The following ALPK2 variants were observed in gnomAD, a reference collection of about 807,000 sequenced individuals.
ALPK2 encodes alpha kinase 2, also known as alpha-protein kinase 2.
In ALPK2, 127 loss-of-function variants were observed where a neutral mutation model predicts 163.1. The ratio of observed to expected loss-of-function variants is 0.78; its 90% CI spans 0.67 to 0.90. The LOEUF is 0.90. Ranked by LOEUF, ALPK2 falls within the 40% of genes least tolerant of loss-of-function variation. The pLI is 0.00. For synonymous variants in ALPK2, 953 were observed against 959.1 expected (o/e 0.99, Z 0.12); for missense variants, 2,360 against 2,589.6 (o/e 0.91, Z 1.92).
At chr18:58,500,156 C>A (rs753529333) in intron 11 of ALPK2, among the ~76,000 whole-genome samples, 2 of 151,274 alleles carry the variant, frequency 1.3e-5, no homozygotes, top group African/African-American at 4.9e-5. Flanking sequence ...GTAACTAATT[C>A]ATCTCATTCT....
Position 58,535,342 on chromosome 18 carries a change from T to G in ALPK2, c.4845A>C (p.Glu1615Asp). 1 of 1,614,198 alleles carries G rather than the reference T, an allele frequency of 6.2e-7. No homozygotes were observed. The highest frequency in any genetic ancestry group is 8.5e-7 in the Non-Finnish European group (1 of 1,180,030). ...LTRFPCTSSPEGNVTDFLISH... is the reference protein window; with the variant it reads ...LTRFPCTSSPDGNVTDFLISH... ...TTATCAAAAAGTCTGTGACATTTCCTTCAGGAGATGAAGTACAAGGGAACC... is the reference window on the plus strand; with the variant it reads ...TTATCAAAAAGTCTGTGACATTTCCGTCAGGAGATGAAGTACAAGGGAACC... The change falls in exon 5 of 13, where the codon GAA becomes GAC. Residue 1615 changes from glutamate (E) to aspartate (D), a missense_variant. By Grantham distance (45) the Glu-to-Asp change is conservative. Transcript: ENST00000361673.
At chr18:58,618,471 C>T (rs1001718859) in intron 1 of ALPK2, among the ~76,000 whole-genome samples, 1 of 152,208 alleles carries the variant, frequency 6.6e-6, no homozygotes, top group Non-Finnish European at 1.5e-5. Flanking sequence ...AGCTGTGCCA[C>T]TCAGTAGCTG....
chr18:58,491,805 G>T (rs895607944), intron 12 of ALPK2, among the ~76,000 whole-genome samples: 18 of 152,266 alleles, frequency 1.2e-4, no homozygotes, highest in Non-Finnish European at 2.2e-4. Context: ...AGGAGAACTT[G>T]TGGGGCGGTT....
At chr18:58,533,525 T>C (rs2144143073) in intron 5 of ALPK2, among the ~76,000 whole-genome samples, 1 of 151,734 alleles carries the variant, frequency 6.6e-6, no homozygotes, top group Non-Finnish European at 1.5e-5. Context: ...GGTGGTGTGA[T>C]CACAGCTCAC....
rs1004719209 is a variant in ALPK2 at position 58,498,038 on chromosome 18, T to C, written c.6296+11A>G. Reference sequence around the variant, plus strand: ...TGTTAATTGATGCACACTCCATTTTTTCCTACTCACCCTTTAGCCAGCGTT... The same window carrying C: ...TGTTAATTGATGCACACTCCATTTTCTCCTACTCACCCTTTAGCCAGCGTT... On this transcript the variant is annotated intron_variant, in intron 12 of 12. Coordinates refer to ENST00000361673, the MANE Select transcript of ALPK2 (RefSeq NM_052947.4). 3.1e-6 allele frequency: 5 copies of C among 1,613,934 alleles called. No homozygotes were observed. The highest frequency in any genetic ancestry group is 4.2e-6 in the Non-Finnish European group (5 of 1,179,826).
intron 1 of ALPK2, among the ~76,000 whole-genome samples, chr18:58,612,474 A>T (rs2052138192): frequency 6.6e-6 from 1 of 152,188 alleles, no homozygotes; most frequent in South Asian, 2.1e-4. Flanking sequence ...TATTTCACTT[A>T]ATCTCTTTGA....
chr18:58,537,409 A>G lies in ALPK2; in HGVS notation c.2778T>C (p.His926=), dbSNP rs751931316. Residue 926 remains histidine (H), a synonymous_variant, in exon 5 of 13, where the codon CAT becomes CAC. Coordinates refer to ENST00000361673, the MANE Select transcript of ALPK2 (RefSeq NM_052947.4). The part of the protein sequence containing the change: ...NSTYPLASTV[H]AGQEQPSPSN... The stretch of plus-strand genomic sequence containing the variant: ...TGGGGCTTGGCTGCTCCTGGCCAGC[A>G]TGTACTGTGGAGGCCAGTGGGTAGG... The G allele has an allele frequency of 2.5e-6, 4 of 1,613,728 alleles. No individual in the cohort carries two copies. Among genetic ancestry groups the G allele is most frequent in the Non-Finnish European group, 3.4e-6 (4 of 1,179,728 alleles).
At chr18:58,483,014 A>T (rs937685439) in intron 12 of ALPK2, among the ~76,000 whole-genome samples, 2 of 152,104 alleles carry the variant, frequency 1.3e-5, no homozygotes, top group Admixed American at 1.3e-4. Context: ...CACAAATCCC[A>T]TGTACACACT....
At chr18:58,558,379 A>G (rs1175760073) in intron 4 of ALPK2, among the ~76,000 whole-genome samples, 1 of 152,232 alleles carries the variant, frequency 6.6e-6, no homozygotes, top group African/African-American at 2.4e-5. Flanking sequence ...TTAGTAAAAT[A>G]TATTATTAAA....
chr18:58,534,603 T>C (rs1422763946), intron 5 of ALPK2, among the ~76,000 whole-genome samples: 2 of 152,202 alleles, frequency 1.3e-5, no homozygotes, highest in Non-Finnish European at 2.9e-5. Flanking sequence ...ACCTGGGAAC[T>C]TGTTAGAAGT....
chr18:58,509,606 G>A (rs1291326492), intron 10 of ALPK2, among the ~76,000 whole-genome samples: 4 of 151,552 alleles, frequency 2.6e-5, no homozygotes, highest in Non-Finnish European at 5.9e-5. Context: ...TCTCATTGTG[G>A]TTTTGATTTG....
intron 12 of ALPK2, among the ~76,000 whole-genome samples, chr18:58,483,529 C>CTTTATTTATTTATTTA (rs144938882): frequency 1.5e-3 from 216 of 142,848 alleles, no homozygotes; most frequent in East Asian, 3.9e-3. Flanking sequence ...GTCCTACTCA[C>CTTTATTTATTTATTTA]TTTATTTATT....
chr18:58,520,769 G>T (rs2051546335), intron 8 of ALPK2, among the ~76,000 whole-genome samples: 1 of 152,146 alleles, frequency 6.6e-6, no homozygotes, highest in African/African-American at 2.4e-5. Context: ...TCTTGTAAAA[G>T]ATTATTTATT....
chr18:58,571,773 C>T lies in ALPK2; in HGVS notation c.1962+7041G>A, dbSNP rs201381383. Among the ~76,000 whole-genome samples the T allele has an allele frequency of 7.2e-5, 11 of 152,044 alleles. No homozygotes were observed. The East Asian group carries it at 7.7e-4, about 11-fold the overall frequency. ...TGGGCAGATCACAAGGTCAGGAGTTCGAGACCAGCCTGGCCAAAACAGTGA... is the reference window on the plus strand; with the variant it reads ...TGGGCAGATCACAAGGTCAGGAGTTTGAGACCAGCCTGGCCAAAACAGTGA... On this transcript the variant is annotated intron_variant, in intron 4 of 12. Coordinates refer to ENST00000361673, the MANE Select transcript of ALPK2 (RefSeq NM_052947.4).
chr18:58,600,959 G>T (rs2052066299), intron 3 of ALPK2, among the ~76,000 whole-genome samples: 1 of 152,118 alleles, frequency 6.6e-6, no homozygotes, highest in Non-Finnish European at 1.5e-5. Flanking sequence ...TTGGATAAAT[G>T]AATGGTTAAG....
intron 4 of ALPK2, chr18:58,566,413 T>C (rs1200475424): frequency 2.0e-5 from 3 of 152,246 alleles, no homozygotes; most frequent in Non-Finnish European, 4.4e-5. Context: ...TTATCATTTG[T>C]CTTGATATAT....
chr18:58,482,633 GAGA>G (rs1441898291), intron 12 of ALPK2, among the ~76,000 whole-genome samples: 2 of 151,634 alleles, frequency 1.3e-5, no homozygotes, highest in Admixed American at 6.6e-5. Flanking sequence ...TTGTCCCCAG[GAGA>G]AGAAGAATTT....
intron 5 of ALPK2, among the ~76,000 whole-genome samples, chr18:58,530,617 A>G (rs952495261): frequency 6.6e-6 from 1 of 152,230 alleles, no homozygotes; most frequent in African/African-American, 2.4e-5. Flanking sequence ...TGTACCGAAC[A>G]CAAGGAAAAT....
Position 58,535,952 on chromosome 18 carries a change from A to G in ALPK2, c.4235T>C (p.Ile1412Thr), listed in dbSNP as rs1207264037. 1 of 1,614,040 alleles carries G rather than the reference A, an allele frequency of 6.2e-7. No individual in the cohort carries two copies. The highest frequency in any genetic ancestry group is 2.2e-5 in the East Asian group (1 of 44,892). ...SVDPIDEISVIEYTRAGKPEP... is the reference protein window; with the variant it reads ...SVDPIDEISVTEYTRAGKPEP... The stretch of plus-strand genomic sequence containing the variant: ...TGGTTTTCCAGCCCTGGTGTACTCT[A>G]TCACACTTATCTCATCAATGGGATC... Residue 1412 changes from isoleucine to threonine, a missense_variant, in exon 5 of 13, where the codon ATA becomes ACA. By Grantham distance (89) the Ile-to-Thr change is moderately conservative (BLOSUM62 -1). Transcript: ENST00000361673.
Sources: allele counts gnomAD v4.1 joint callset (sites outside exome capture counted in the v4.1 genomes callset), GRCh38; gene constraint gnomAD v4.1.1; transcripts MANE v1.5; gene names NCBI Gene and HGNC (gene_info 2026-07-23, HGNC 2026-07-21).